The following RARB variants were observed in gnomAD, a reference collection of about 807,000 sequenced individuals.
RARB encodes HBV-activated protein.
RARB carries 17 observed loss-of-function variants against 51.9 expected under a neutral mutation model. That is an observed-to-expected ratio of 0.33 (90% confidence interval 0.22 to 0.49). RARB has a LOEUF of 0.49. RARB is among the 20% of genes least tolerant of loss of function. RARB has a pLI of 0.99. For missense variants in RARB, 369 were observed against 550.8 expected (o/e 0.67, Z 3.30); for synonymous variants, 215 against 195.4 (o/e 1.10, Z -0.84).
At chr3:25,393,512 T>C (rs1030189270) in intron 5 of RARB, among the ~76,000 whole-genome samples, 1 of 152,106 alleles carries the variant, frequency 6.6e-6, no homozygotes, top group Non-Finnish European at 1.5e-5. Flanking sequence ...AATCCATCTG[T>C]TCCTGAACTT....
chr3:25,583,146 G>A lies in RARB; in HGVS notation c.786+2424G>A, dbSNP rs143463692. ...CCTCCAATCATACCAGACAAAGTTC[G>A]AAGGAATACCCATTTGGCCCTAGGC... On this transcript the variant is annotated intron_variant, in intron 5 of 7. Transcript: ENST00000330688. 9.8e-5 allele frequency among the ~76,000 whole-genome samples: 15 copies of A among 152,296 alleles called. No individual in the cohort carries two copies. The East Asian group carries it at 2.1e-3, about 22-fold the overall frequency.
At chr3:25,329,037 G>A (rs759095521) in intron 5 of RARB, among the ~76,000 whole-genome samples, 21 of 152,216 alleles carry the variant, frequency 1.4e-4, no homozygotes, top group Admixed American at 3.3e-4. Context: ...AGCTTGAACA[G>A]GGTGGAACCC....
At chr3:25,044,882 T>G (rs879529678) in intron 2 of RARB, among the ~76,000 whole-genome samples, 1 of 152,252 alleles carries the variant, frequency 6.6e-6, no homozygotes, top group East Asian at 1.9e-4. Flanking sequence ...CAGTCCTGTC[T>G]CTCTTTATTA....
chr3:25,481,084 C>T (rs1696201778), intron 2 of RARB, among the ~76,000 whole-genome samples: 1 of 152,134 alleles, frequency 6.6e-6, no homozygotes, highest in South Asian at 2.1e-4. Context: ...GAGAATTCCT[C>T]TATTACTTGA....
chr3:25,561,378 A>G (rs1411754699), intron 3 of RARB, among the ~76,000 whole-genome samples: 1 of 152,184 alleles, frequency 6.6e-6, no homozygotes, highest in Non-Finnish European at 1.5e-5. Context: ...CACAGACTGT[A>G]TTACACAGAT....
chr3:25,315,704 C>G (rs1230812255), intron 5 of RARB, among the ~76,000 whole-genome samples: 1 of 152,176 alleles, frequency 6.6e-6, no homozygotes, highest in African/African-American at 2.4e-5. Flanking sequence ...ACCTCTGCTT[C>G]CCGGGTTAAA....
At chr3:25,002,684 T>C (rs887140931) in intron 2 of RARB, among the ~76,000 whole-genome samples, 3 of 152,132 alleles carry the variant, frequency 2.0e-5, no homozygotes, top group Non-Finnish European at 2.9e-5. Flanking sequence ...GTATATATAG[T>C]AAATATGTAC....
At chr3:25,504,534 C>A (rs919340628) in intron 3 of RARB, among the ~76,000 whole-genome samples, 1 of 152,050 alleles carries the variant, frequency 6.6e-6, no homozygotes, top group Non-Finnish European at 1.5e-5. Context: ...TCACCCAAAC[C>A]ATGTGGGTGG....
chr3:25,440,646 G>T (rs554522678), intron 1 of RARB, among the ~76,000 whole-genome samples: 21 of 151,684 alleles, frequency 1.4e-4, no homozygotes, highest in Non-Finnish European at 2.5e-4. Context: ...TGGTGCCCGC[G>T]CCTGTAGTCC....
intron 5 of RARB, among the ~76,000 whole-genome samples, chr3:25,331,689 G>A (rs1224160049): frequency 6.6e-6 from 1 of 152,170 alleles, no homozygotes; most frequent in East Asian, 1.9e-4. Flanking sequence ...CAGAACTGAA[G>A]GAGATAGAGA....
intron 2 of RARB, among the ~76,000 whole-genome samples, chr3:25,027,536 T>C (rs940952871): frequency 6.6e-6 from 1 of 152,024 alleles, no homozygotes; most frequent in Non-Finnish European, 1.5e-5. Flanking sequence ...AGCCAGTTTG[T>C]GGGGGAAACA....
At chr3:24,915,313 A>C (rs1314892638) in intron 2 of RARB, among the ~76,000 whole-genome samples, 2 of 152,230 alleles carry the variant, frequency 1.3e-5, no homozygotes, top group Non-Finnish European at 2.9e-5. Context: ...ACTAATTTTA[A>C]TTTAACTTCA....
intron 5 of RARB, among the ~76,000 whole-genome samples, chr3:25,267,346 A>C (rs1703150730): frequency 6.6e-6 from 1 of 152,222 alleles, no homozygotes; most frequent in African/African-American, 2.4e-5. Context: ...AAAGCAGTGA[A>C]GGCCTCTCTT....
At chr3:25,512,506 A>G (rs966374068) in intron 3 of RARB, among the ~76,000 whole-genome samples, 2 of 152,210 alleles carry the variant, frequency 1.3e-5, no homozygotes, top group Non-Finnish European at 2.9e-5. Context: ...CAGCCTGTCC[A>G]ACACTGATCT....
At chr3:25,590,412 T>C (rs1701570707) in intron 5 of RARB, among the ~76,000 whole-genome samples, 2 of 152,336 alleles carry the variant, frequency 1.3e-5, no homozygotes, top group East Asian at 1.9e-4. Context: ...CATTCATTTC[T>C]TGGCGGCATG....
intron 2 of RARB, among the ~76,000 whole-genome samples, chr3:24,984,386 G>A (rs190298620): frequency 5.1e-4 from 77 of 152,292 alleles, no homozygotes; most frequent in Middle Eastern, 3.4e-3. Flanking sequence ...TGTGTTAAGC[G>A]CTGAGAATAT....
chr3:24,918,263 A>G (rs1044145591), intron 2 of RARB, among the ~76,000 whole-genome samples: 3 of 152,210 alleles, frequency 2.0e-5, no homozygotes, highest in Non-Finnish European at 4.4e-5. Flanking sequence ...CTGCAACCTG[A>G]CTTGGTTGAA....
intron 2 of RARB, among the ~76,000 whole-genome samples, chr3:24,870,135 T>G (rs748496346): frequency 3.9e-5 from 6 of 152,148 alleles, no homozygotes; most frequent in African/African-American, 1.4e-4. Context: ...GTTGCAAATA[T>G]CTTCTCCCAG....
intron 2 of RARB, among the ~76,000 whole-genome samples, chr3:24,938,470 T>C (rs1181483825): frequency 6.6e-6 from 1 of 152,186 alleles, no homozygotes; most frequent in Admixed American, 6.5e-5. Context: ...TTCTCGTTAA[T>C]TAAAAAATTT....
Sources: gnomAD v4.1 joint callset for allele counts (sites outside exome capture counted in the v4.1 genomes callset) on GRCh38, gnomAD v4.1.1 for gene constraint, MANE v1.5 for transcripts, NCBI Gene and HGNC (gene_info 2026-07-23, HGNC 2026-07-21) for gene names.